Variants in RBMS3 observed in about 807,000 individuals in gnomAD.
The protein encoded by RBMS3 is RNA binding motif single stranded interacting protein 3.
A neutral mutation model predicts 66.8 loss-of-function variants in RBMS3; 27 were observed. That is an observed-to-expected ratio of 0.40 (90% CI 0.30 to 0.56). The LOEUF (loss-of-function observed/expected upper bound fraction) is 0.56, where lower values mean the gene tolerates loss of function less well. RBMS3 is among the 20% of genes least tolerant of loss of function. The pLI is 0.40. For missense variants in RBMS3, 513 were observed against 549.5 expected (o/e 0.93, Z 0.66); for synonymous variants, 188 against 183.0 (o/e 1.03, Z -0.22).
chr3:29,764,905 C>T (rs915034942), intron 6 of RBMS3, among the ~76,000 whole-genome samples: 13 of 151,860 alleles, frequency 8.6e-5, no homozygotes, highest in African/African-American at 2.2e-4. Context: ...TTTTATCTCC[C>T]GGGAACAAGA....
rs530121345 is a variant in RBMS3 at position 29,670,182 on chromosome 3, G to A, written c.400-69538G>A. Among the ~76,000 whole-genome samples, 44 of 152,116 alleles carry A rather than the reference G, an allele frequency of 2.9e-4. 1 individual carries two copies. The highest frequency in any genetic ancestry group is 1.4e-3 in the East Asian group (7 of 5,180). ...GGACCCTTATTATGGGTTAAATGGC[G>A]TTCTCCCAAAATTCATGTGTTCCTT... On this transcript the variant is annotated intron_variant, in intron 4 of 14. Transcript: ENST00000383767.
At chr3:29,917,168 A>G (rs903678434) in intron 10 of RBMS3, among the ~76,000 whole-genome samples, 1 of 152,056 alleles carries the variant, frequency 6.6e-6, no homozygotes, top group Admixed American at 6.6e-5. Context: ...TCTTCATGGA[A>G]TGTATCTTCC....
chr3:29,610,677 T>A (rs1224315307), intron 4 of RBMS3, among the ~76,000 whole-genome samples: 1 of 152,058 alleles, frequency 6.6e-6, no homozygotes, highest in Non-Finnish European at 1.5e-5. Flanking sequence ...AGATTGTGGA[T>A]CTGTTAATGA....
At chr3:29,437,513 G>T (rs963750446) in intron 2 of RBMS3, among the ~76,000 whole-genome samples, 18 of 152,332 alleles carry the variant, frequency 1.2e-4, no homozygotes, top group African/African-American at 4.3e-4. Context: ...ATTAATATTT[G>T]TCAGCTAATA....
intron 6 of RBMS3, among the ~76,000 whole-genome samples, chr3:29,790,485 C>T (rs900509070): frequency 6.6e-6 from 1 of 152,058 alleles, no homozygotes; most frequent in Admixed American, 6.5e-5. Flanking sequence ...ATCAGTAACC[C>T]ATAGTCCTTG....
chr3:29,576,718 C>T (rs1037312539), intron 3 of RBMS3, among the ~76,000 whole-genome samples: 1 of 152,164 alleles, frequency 6.6e-6, no homozygotes, highest in Non-Finnish European at 1.5e-5. Flanking sequence ...TTCCACTCTT[C>T]CCCTTTCCAC....
At chr3:29,928,047 G>A (rs1320247100) in intron 10 of RBMS3, among the ~76,000 whole-genome samples, 1 of 151,636 alleles carries the variant, frequency 6.6e-6, no homozygotes, top group Non-Finnish European at 1.5e-5. Context: ...GTCTTAAAAA[G>A]GACATTTCCA....
intron 1 of RBMS3, among the ~76,000 whole-genome samples, chr3:29,287,885 T>C (rs2032493237): frequency 6.6e-6 from 1 of 152,016 alleles, no homozygotes; most frequent in African/African-American, 2.4e-5. Flanking sequence ...CAGACTGAGA[T>C]GAGTTAAATT....
intron 6 of RBMS3, among the ~76,000 whole-genome samples, chr3:29,854,317 C>G (rs2059018740): frequency 1.3e-5 from 2 of 152,188 alleles, no homozygotes; most frequent in South Asian, 4.1e-4. Flanking sequence ...AATTTACTTT[C>G]TAACTATTTG....
chr3:29,396,879 A>G (rs2039574445), intron 1 of RBMS3, among the ~76,000 whole-genome samples: 1 of 152,176 alleles, frequency 6.6e-6, no homozygotes, highest in African/African-American at 2.4e-5. Context: ...ACTTACAATC[A>G]GGCAGGGACG....
chr3:29,589,380 A>G (rs2047645951), intron 4 of RBMS3, among the ~76,000 whole-genome samples: 2 of 152,108 alleles, frequency 1.3e-5, no homozygotes, highest in Non-Finnish European at 2.9e-5. Context: ...GCTCACGCCC[A>G]CTGTACAAAA....
chr3:29,705,907 C>G (rs1402401633), intron 4 of RBMS3, among the ~76,000 whole-genome samples: 4 of 152,166 alleles, frequency 2.6e-5, no homozygotes, highest in Non-Finnish European at 4.4e-5. Context: ...TGTTTACTGC[C>G]TGAAAACAAG....
chr3:29,791,285 C>T (rs2057004337), intron 6 of RBMS3, among the ~76,000 whole-genome samples: 1 of 152,062 alleles, frequency 6.6e-6, no homozygotes, highest in Admixed American at 6.6e-5. Flanking sequence ...TGCAGTCAAT[C>T]CTATTTTTTA....
At chr3:29,573,020 A>G (rs1339841703) in intron 3 of RBMS3, among the ~76,000 whole-genome samples, 2 of 152,094 alleles carry the variant, frequency 1.3e-5, no homozygotes, top group Non-Finnish European at 2.9e-5. Context: ...GAATTTATTC[A>G]GTTCCCTTTG....
chr3:29,825,083 T>G (rs1242950387), intron 6 of RBMS3, among the ~76,000 whole-genome samples: 1 of 151,678 alleles, frequency 6.6e-6, no homozygotes, highest in East Asian at 1.9e-4. Flanking sequence ...TTGCCCAGGC[T>G]GGAGTGCAGT....
At position 29,619,289 on chromosome 3, in the gene RBMS3, TAAAGA is replaced by T. The variant is rs1294078418; in HGVS notation, c.399+32088_399+32092del. 2.0e-5 allele frequency among the ~76,000 whole-genome samples: 3 copies of T among 149,380 alleles called. No individual in the cohort carries two copies. The South Asian group carries it at 6.4e-4, about 32-fold the overall frequency. Reference sequence around the variant, plus strand: ...TTATGTAAAAAAAAAAAAAAATGAATAAAGAAAACAGTTTTAGTTTAAAAAAAGAA... The same window carrying T: ...TTATGTAAAAAAAAAAAAAAATGAATAAACAGTTTTAGTTTAAAAAAAGAA... On this transcript the variant is annotated intron_variant, in intron 4 of 14. Coordinates refer to ENST00000383767, the MANE Select transcript of RBMS3 (RefSeq NM_001003793.3).
chr3:29,922,421 A>G (rs537725034), intron 10 of RBMS3, among the ~76,000 whole-genome samples: 2 of 144,054 alleles, frequency 1.4e-5, no homozygotes, highest in South Asian at 2.2e-4. Context: ...CGGGAAGCGG[A>G]GCTTTCAGTG....
intron 4 of RBMS3, among the ~76,000 whole-genome samples, chr3:29,652,625 T>G (rs2050185719): frequency 6.6e-6 from 1 of 152,080 alleles, no homozygotes. Flanking sequence ...TTTTGGAAGT[T>G]TCTAAATTGA....
intron 4 of RBMS3, among the ~76,000 whole-genome samples, chr3:29,640,912 G>A (rs2049679721): frequency 1.3e-5 from 2 of 151,868 alleles, no homozygotes; most frequent in Admixed American, 1.3e-4. Context: ...TTTAAAAATG[G>A]GGATAATGAT....
Sources: allele counts gnomAD v4.1 joint callset (sites outside exome capture counted in the v4.1 genomes callset), GRCh38; gene constraint gnomAD v4.1.1; transcripts MANE v1.5; gene names NCBI Gene and HGNC (gene_info 2026-07-23, HGNC 2026-07-21).